Variants in EPB41L4A observed in about 807,000 individuals in gnomAD.
The protein encoded by EPB41L4A is erythrocyte membrane protein band 4.1 like 4A.
A neutral mutation model predicts 108.6 loss-of-function variants in EPB41L4A; 100 were observed. That is an observed-to-expected ratio of 0.92 (90% confidence interval 0.78 to 1.09). EPB41L4A has a LOEUF of 1.09. EPB41L4A is among the 50% of genes least tolerant of loss of function. EPB41L4A has a pLI of 0.00. For missense variants in EPB41L4A, 1,030 were observed against 842.7 expected (o/e 1.22, Z -2.75); for synonymous variants, 319 against 289.0 (o/e 1.10, Z -1.05).
intron 1 of EPB41L4A, among the ~76,000 whole-genome samples, chr5:112,338,469 A>T (rs1757061308): frequency 6.6e-6 from 1 of 152,138 alleles, no homozygotes; most frequent in South Asian, 2.1e-4. Context: ...ATACATGGTC[A>T]TACCAGGTCG....
intron 1 of EPB41L4A, among the ~76,000 whole-genome samples, chr5:112,352,021 A>G (rs1349817868): frequency 1.3e-5 from 2 of 152,206 alleles, no homozygotes; most frequent in Non-Finnish European, 2.9e-5. Flanking sequence ...GCCATGTATG[A>G]CAGACCCACA....
intron 1 of EPB41L4A, among the ~76,000 whole-genome samples, chr5:112,309,247 C>A (rs915403238): frequency 6.6e-6 from 1 of 152,194 alleles, no homozygotes; most frequent in African/African-American, 2.4e-5. Context: ...TATTCTATCT[C>A]ATGGGTTACT....
chr5:112,164,977 C>A lies in EPB41L4A; in HGVS notation c.*13G>T. 6.2e-7 allele frequency: 1 copy of A among 1,609,802 alleles called. No individual in the cohort carries two copies. Among genetic ancestry groups the A allele is most frequent in the Non-Finnish European group, 8.5e-7 (1 of 1,178,690 alleles). ...ACAACCTTCCCACCCCTACCCTTGA[C>A]CCTTCATCAGGATCAAGTCTCTGTC... On this transcript the variant is annotated 3_prime_UTR_variant, in exon 23 of 23. Transcript: ENST00000261486.
At chr5:112,402,046 G>C (rs1473989569) in intron 1 of EPB41L4A, among the ~76,000 whole-genome samples, 1 of 152,204 alleles carries the variant, frequency 6.6e-6, no homozygotes, top group Admixed American at 6.5e-5. Context: ...ATGTGGTTTG[G>C]ATTTGCGTCC....
chr5:112,371,833 C>G (rs1759517263), intron 1 of EPB41L4A, among the ~76,000 whole-genome samples: 2 of 152,120 alleles, frequency 1.3e-5, no homozygotes, highest in Non-Finnish European at 2.9e-5. Flanking sequence ...AACAATGCTA[C>G]AAGGCCAGAT....
rs565212764 is a variant in EPB41L4A, at chr5:112,382,060, C to T, written c.99+36881G>A. 3.3e-5 allele frequency among the ~76,000 whole-genome samples: 5 copies of T among 152,310 alleles called. No homozygotes were observed. In the East Asian group the frequency reaches 5.8e-4, roughly 18 times the overall value. The stretch of plus-strand genomic sequence containing the variant: ...AAGAAATTTATAATACGGCAGTGCA[C>T]ATCAGTTAGTCAAATTTTTATTTAA... On this transcript the variant is annotated intron_variant, in intron 1 of 22. Coordinates refer to ENST00000261486, the MANE Select transcript of EPB41L4A (RefSeq NM_022140.5).
chr5:112,364,904 AC>A (rs1398092168), intron 1 of EPB41L4A, among the ~76,000 whole-genome samples: 1 of 152,244 alleles, frequency 6.6e-6, no homozygotes, highest in Admixed American at 6.5e-5. Flanking sequence ...TATTACATAT[AC>A]CCTTATATTC....
intron 1 of EPB41L4A, among the ~76,000 whole-genome samples, chr5:112,417,467 A>G (rs1762782332): frequency 6.6e-6 from 1 of 152,180 alleles, no homozygotes; most frequent in South Asian, 2.1e-4. Flanking sequence ...AAGAATCTAT[A>G]TATTATCTAC....
At chr5:112,179,536 C>G (rs915203226) in intron 18 of EPB41L4A, among the ~76,000 whole-genome samples, 5 of 152,118 alleles carry the variant, frequency 3.3e-5, no homozygotes, top group Non-Finnish European at 1.5e-5. Context: ...AAAATTGAAT[C>G]CATTTAATTC....
intron 14 of EPB41L4A, 89 bp downstream of exon 14, chr5:112,205,332 A>T: frequency 9.0e-7 from 1 of 1,106,122 alleles, no homozygotes; most frequent in Non-Finnish European, 1.4e-6. Context: ...GTGATCAGCC[A>T]CCCAGCAGCT....
intron 18 of EPB41L4A, among the ~76,000 whole-genome samples, chr5:112,178,658 AAC>A (rs1760994334): frequency 6.6e-6 from 1 of 152,014 alleles, no homozygotes; most frequent in South Asian, 2.1e-4. Flanking sequence ...TTGGAAATTA[AAC>A]ACACAACTAA....
chr5:112,381,821 C>T (rs907846044), intron 1 of EPB41L4A, among the ~76,000 whole-genome samples: 5 of 152,226 alleles, frequency 3.3e-5, no homozygotes, highest in African/African-American at 1.2e-4. Context: ...CACAGCCTTC[C>T]ATAATGTGAA....
chr5:112,188,633 C>G (rs1262296234), intron 17 of EPB41L4A, among the ~76,000 whole-genome samples: 1 of 152,058 alleles, frequency 6.6e-6, no homozygotes, highest in African/African-American at 2.4e-5. Flanking sequence ...AATCAGAAAC[C>G]CTTGCATCTG....
chr5:112,147,057 T>C (rs900763160), intron 12 of EPB41L4A, among the ~76,000 whole-genome samples: 3 of 152,360 alleles, frequency 2.0e-5, no homozygotes, highest in African/African-American at 4.8e-5. Context: ...AATCCTGTAA[T>C]GTGTAAAGTG....
chr5:112,268,842 C>CAAA (rs34983995), intron 4 of EPB41L4A, among the ~76,000 whole-genome samples: 15,109 of 55,890 alleles, frequency 0.27, 2,731 homozygotes, highest in South Asian at 0.41. Context: ...GACCTTCTCT[C>CAAA]AAAAAAAAAA....
chr5:112,219,723 T>C (rs562381035), intron 12 of EPB41L4A, among the ~76,000 whole-genome samples: 1 of 152,126 alleles, frequency 6.6e-6, no homozygotes, highest in Non-Finnish European at 1.5e-5. Flanking sequence ...TGAGACAGAG[T>C]CTCATTCTGT....
chr5:112,294,296 G>T (rs532370792), intron 2 of EPB41L4A, among the ~76,000 whole-genome samples: 3 of 152,172 alleles, frequency 2.0e-5, no homozygotes, highest in Non-Finnish European at 4.4e-5. Context: ...GGGAAGGGGA[G>T]GTGTGGGAAT....
At chr5:112,284,740 C>A (rs923769700) in intron 2 of EPB41L4A, among the ~76,000 whole-genome samples, 11 of 152,180 alleles carry the variant, frequency 7.2e-5, no homozygotes, top group Non-Finnish European at 1.3e-4. Context: ...TGCCCCTTTG[C>A]CAGAGTAGAA....
At chr5:112,391,973 C>A (rs933885317) in intron 1 of EPB41L4A, among the ~76,000 whole-genome samples, 3 of 152,124 alleles carry the variant, frequency 2.0e-5, no homozygotes, top group Non-Finnish European at 4.4e-5. Flanking sequence ...TACAGCCAAA[C>A]TAAACTTCAT....
Sources: allele counts gnomAD v4.1 joint callset (sites outside exome capture counted in the v4.1 genomes callset), GRCh38; gene constraint gnomAD v4.1.1; transcripts MANE v1.5; gene names NCBI Gene and HGNC (gene_info 2026-07-23, HGNC 2026-07-21).